Variants in DPP9 observed in about 807,000 individuals in gnomAD.
DPP9 encodes the protein dipeptidyl peptidase IV-related protein-2.
A neutral mutation model predicts 110.7 loss-of-function variants in DPP9; 50 were observed. The ratio of observed to expected loss-of-function variants is 0.45; its 90% CI spans 0.36 to 0.57. The LOEUF (loss-of-function observed/expected upper bound fraction) is 0.57. Among genes scored for constraint, DPP9 ranks in the 20% least tolerant of loss-of-function variants. The pLI, the probability that DPP9 is intolerant of heterozygous loss-of-function variation, is 0.00. For synonymous variants in DPP9, 561 were observed against 514.4 expected (o/e 1.09, Z -1.23); for missense variants, 1,022 against 1,217.9 (o/e 0.84, Z 2.39).
rs1006380696 is a variant in DPP9, at chr19:4,705,991, C to T, written c.314-21G>A. On this transcript the variant is annotated intron_variant, in intron 4 of 21. Transcript: ENST00000262960. Reference sequence around the variant, plus strand: ...CATTCCTAAAGGGAGAAAGGAAACACCCAGAACGGGTACCCTGGCTCAGGA... The same window carrying T: ...CATTCCTAAAGGGAGAAAGGAAACATCCAGAACGGGTACCCTGGCTCAGGA... 36 of 1,604,992 alleles carry T rather than the reference C, an allele frequency of 2.2e-5. 1 individual carries two copies. The Admixed American group carries it at 5.2e-4, about 23-fold the overall frequency.
At chr19:4,707,510 G>A (rs940886419) in intron 4 of DPP9, among the ~76,000 whole-genome samples, 1 of 151,846 alleles carries the variant, frequency 6.6e-6, no homozygotes. Context: ...CAGACAGCCC[G>A]GTGCCCTGGC....
chr19:4,685,638 A>G lies in DPP9; in HGVS notation c.2019T>C (p.Tyr673=), dbSNP rs746136109. ...GGTGTGCACTCACCTGGGGGCCTCC[A>G]TATACAAAGAGGACGGTGGGGTGCT... ...GKKHPTVLFV[Y]GGPQVQLVNN... The change falls in exon 17 of 22, where the codon TAT becomes TAC. Residue 673 remains tyrosine (Y), a synonymous_variant. Coordinates refer to ENST00000262960, the MANE Select transcript of DPP9 (RefSeq NM_139159.5). The surrounding 1 kb of genome is among the most constrained non-coding windows in gnomAD (Gnocchi z 5.8). The G allele has an allele frequency of 6.2e-7, 1 of 1,607,688 alleles. No homozygotes were observed. The highest frequency in any genetic ancestry group is 1.1e-5 in the South Asian group (1 of 89,978).
intron 2 of DPP9, chr19:4,722,292 C>G (rs1599967900): frequency 1.8e-6 from 1 of 564,278 alleles, no homozygotes; most frequent in East Asian, 3.0e-5. Flanking sequence ...CAAAAAGCTC[C>G]TTCCAGGGGC....
chr19:4,687,509 C>T lies in DPP9; in HGVS notation c.1885+1248G>A, dbSNP rs2090876132. ...CCAATGCAGGGTCCTGGCCAACTTC[C>T]AGGTTCTGGGCAAGGTGTCAGGTTG... On this transcript the variant is annotated intron_variant, in intron 16 of 21. Coordinates refer to ENST00000262960, the MANE Select transcript of DPP9 (RefSeq NM_139159.5). This position sits in a 1 kb window ranked among gnomAD's most constrained non-coding sequence, Gnocchi z 4.7. Among the ~76,000 whole-genome samples, 1 of 152,122 alleles carries T rather than the reference C, an allele frequency of 6.6e-6. No homozygotes were observed. Among genetic ancestry groups the T allele is most frequent in the Non-Finnish European group, 1.5e-5 (1 of 68,016 alleles).
At chr19:4,708,995 G>T (rs1270128960) in intron 4 of DPP9, among the ~76,000 whole-genome samples, 5 of 152,212 alleles carry the variant, frequency 3.3e-5, no homozygotes, top group Admixed American at 6.5e-5. Context: ...TTGGCTCGCT[G>T]CAACCTCCAC....
intron 10 of DPP9, among the ~76,000 whole-genome samples, chr19:4,699,924 C>T (rs566015846): frequency 1.2e-4 from 19 of 152,342 alleles, no homozygotes; most frequent in African/African-American, 4.1e-4. Context: ...GAGCACCTGC[C>T]GCGCCTGTCC....
rs746009196 is a variant in DPP9, at chr19:4,683,465, G to A, written c.2331+12C>T. On this transcript the variant is annotated intron_variant, in intron 19 of 21. Coordinates refer to ENST00000262960, the MANE Select transcript of DPP9 (RefSeq NM_139159.5). ...AGGGGCGTGGCTGAGGCCGGCCAGG[G>A]GTGGGACCCACCTTGAACACCTGGG... 6.2e-7 allele frequency: 1 copy of A among 1,612,730 alleles called. No homozygotes were observed. Among genetic ancestry groups the A allele is most frequent in the South Asian group, 1.1e-5 (1 of 91,080 alleles).
intron 10 of DPP9, among the ~76,000 whole-genome samples, chr19:4,699,558 G>A (rs531214458): frequency 1.1e-4 from 17 of 152,310 alleles, no homozygotes; most frequent in Admixed American, 5.9e-4. Flanking sequence ...GGGGCCGAGG[G>A]AGATGCGGTC....
At chr19:4,699,158 CAAAAAAAA>C (rs144927941) in intron 10 of DPP9, among the ~76,000 whole-genome samples, 3 of 50,906 alleles carry the variant, frequency 5.9e-5, no homozygotes, top group Non-Finnish European at 1.2e-4. Context: ...GACTCCACCT[CAAAAAAAA>C]AAAAAAAAAA....
intron 3 of DPP9, among the ~76,000 whole-genome samples, chr19:4,715,018 ACTTTTT>A (rs1190965538): frequency 7.7e-5 from 6 of 78,118 alleles, no homozygotes; most frequent in African/African-American, 2.1e-4. Flanking sequence ...ATATATATAT[ACTTTTT>A]TTTTTTTTTT....
Position 4,676,704 on chromosome 19 carries a change from C to T in DPP9, c.2587-48G>A. The T allele has an allele frequency of 6.7e-7, 1 of 1,485,950 alleles. No homozygotes were observed. The highest frequency in any genetic ancestry group is 9.2e-7 in the Non-Finnish European group (1 of 1,086,536). 92.0% of individuals were successfully genotyped at this position (1,485,950 alleles called of 1,614,324 possible). On this transcript the variant is annotated intron_variant, in intron 21 of 21. Coordinates refer to ENST00000262960, the MANE Select transcript of DPP9 (RefSeq NM_139159.5). This position sits in a 1 kb window ranked among gnomAD's most constrained non-coding sequence, Gnocchi z 4.0. Reference sequence around the variant, plus strand: ...GCTGGGGGGCGTGGCCGGACCACCCCCGTGTCCTAGGCTCCTCCCTTATTC... The same window carrying T: ...GCTGGGGGGCGTGGCCGGACCACCCTCGTGTCCTAGGCTCCTCCCTTATTC...
Position 4,695,521 on chromosome 19 carries a change from A to C in DPP9, c.1210T>G (p.Trp404Gly), listed in dbSNP as rs1295882009. 1 of 1,529,788 alleles carries C rather than the reference A, an allele frequency of 6.5e-7. No homozygotes were observed. The highest frequency in any genetic ancestry group is 8.8e-7 in the Non-Finnish European group (1 of 1,141,102). The allele number at this position is 1,529,788 out of a possible 1,614,324, so 94.8% of individuals were successfully genotyped here. The stretch of plus-strand genomic sequence containing the variant: ...GGGGGGAGGAGGACGAGCTGGAGCC[A>C]CTGCTGGGGCCGGTCCAGGAACATG... The part of the protein sequence containing the change: ...WAMFLDRPQQ[W>G]LQLVLLPPAL... Residue 404 changes from tryptophan to glycine, a missense_variant, in exon 12 of 22, where the codon TGG (tryptophan) becomes GGG (glycine). By Grantham distance (184) the Trp-to-Gly change is radical. This residue lies in a region of DPP9 where 810 missense variants were observed against 920.6 expected (regional missense o/e 0.88). Coordinates refer to ENST00000262960, the MANE Select transcript of DPP9 (RefSeq NM_139159.5). This position sits in a 1 kb window ranked among gnomAD's most constrained non-coding sequence, Gnocchi z 4.7.
Position 4,689,589 on chromosome 19 carries a change from T to C in DPP9, c.1730A>G (p.His577Arg). The C allele has an allele frequency of 6.4e-7, 1 of 1,568,356 alleles. No individual in the cohort carries two copies. Reference protein sequence around the residue: ...IVRLTTPGFSHSCSMSQNFDM... With the variant: ...IVRLTTPGFSRSCSMSQNFDM... Reference sequence around the variant, plus strand: ...TCCCACCTGGCTCATGGAGCAGCTATGGGAGAAGCCGGGCGTGGTGAGGCG... The same window carrying C: ...TCCCACCTGGCTCATGGAGCAGCTACGGGAGAAGCCGGGCGTGGTGAGGCG... Residue 577 changes from histidine to arginine, a missense_variant, in exon 15 of 22, where the codon CAT becomes CGT. Around this residue, in one of 3 missense-constraint regions of DPP9, gnomAD observed 810 missense variants for 920.6 expected, o/e 0.88. Coordinates refer to ENST00000262960, the MANE Select transcript of DPP9 (RefSeq NM_139159.5). The surrounding 1 kb of genome is among the most constrained non-coding windows in gnomAD (Gnocchi z 7.0).
intron 7 of DPP9, among the ~76,000 whole-genome samples, 198 bp from the exon 8 acceptor site, chr19:4,702,914 A>G (rs973847555): frequency 3.9e-5 from 5 of 127,034 alleles, no homozygotes; most frequent in Non-Finnish European, 8.1e-5. Context: ...TCCACCCCAC[A>G]CTGTGGACAC....
At chr19:4,678,488 C>T (rs1018114545) in intron 21 of DPP9, among the ~76,000 whole-genome samples, 1 of 152,332 alleles carries the variant, frequency 6.6e-6, no homozygotes, top group African/African-American at 2.4e-5. Flanking sequence ...GTTTCAAAGA[C>T]GGAGAAACGA....
Position 4,683,588 on chromosome 19 carries a change from G to A in DPP9, c.2220C>T (p.Phe740=), listed in dbSNP as rs775362476. The A allele has an allele frequency of 2.0e-5, 32 of 1,613,530 alleles. 1 individual carries two copies. Among genetic ancestry groups the A allele is most frequent in the Middle Eastern group, 1.7e-4 (1 of 6,060 alleles). ...CGATGAAGCCATACTTCTCGGCCAC[G>A]AACTGCAGGCCCTCCACCTGGTCCT... ...EIEDQVEGLQ[F]VAEKYGFIDL... Residue 740 remains phenylalanine, a synonymous_variant, in exon 19 of 22, where the codon TTC becomes TTT. Transcript: ENST00000262960.
In DPP9 at chr19:4,687,476, C is replaced by T. The variant is rs560731487; in HGVS notation, c.1885+1281G>A. 4.6e-5 allele frequency among the ~76,000 whole-genome samples: 7 copies of T among 152,312 alleles called. No individual in the cohort carries two copies. In the South Asian group the frequency reaches 1.2e-3, roughly 27 times the overall value. On this transcript the variant is annotated intron_variant, in intron 16 of 21. Transcript: ENST00000262960. This position sits in a 1 kb window ranked among gnomAD's most constrained non-coding sequence, Gnocchi z 4.7. Reference sequence around the variant, plus strand: ...GTGTGACGGAGCCAGCACTGGAACCCGGAGTCACCAATGCAGGGTCCTGGC... The same window carrying T: ...GTGTGACGGAGCCAGCACTGGAACCTGGAGTCACCAATGCAGGGTCCTGGC...
rs1394772362 is a variant in DPP9 at position 4,676,777 on chromosome 19, C to G, written c.2587-121G>C. On this transcript the variant is annotated intron_variant, in intron 21 of 21. Transcript: ENST00000262960. The surrounding 1 kb of genome is among the most constrained non-coding windows in gnomAD (Gnocchi z 4.0). ...CGCAGGTGCTCTGAGGCCCAGTGATCTGGGTTTGAATCCCACCTCGGCTGT... is the reference window on the plus strand; with the variant it reads ...CGCAGGTGCTCTGAGGCCCAGTGATGTGGGTTTGAATCCCACCTCGGCTGT... 2.5e-6 allele frequency: 2 copies of G among 785,116 alleles called. No individual in the cohort carries two copies. Among genetic ancestry groups the G allele is most frequent in the African/African-American group, 1.7e-5 (1 of 58,420 alleles). The allele number at this position is 785,116 out of a possible 1,614,324, so 48.6% of individuals were successfully genotyped here.
Position 4,682,553 on chromosome 19 carries a change from G to A in DPP9, c.2474+143C>T. 1 of 1,265,970 alleles carries A rather than the reference G, an allele frequency of 7.9e-7. No individual in the cohort carries two copies. Among genetic ancestry groups the A allele is most frequent in the Non-Finnish European group, 1.1e-6 (1 of 924,924 alleles). 78.4% of individuals were successfully genotyped at this position (1,265,970 alleles called of 1,614,324 possible). The stretch of plus-strand genomic sequence containing the variant: ...GCACATGCAGGCAGACGCCACCACA[G>A]GAGCACAGCGGGGAGGCTCCACATG... On this transcript the variant is annotated intron_variant, in intron 20 of 21. Coordinates refer to ENST00000262960, the MANE Select transcript of DPP9 (RefSeq NM_139159.5). This position sits in a 1 kb window ranked among gnomAD's most constrained non-coding sequence, Gnocchi z 7.1.
Sources: gnomAD v4.1 joint callset for allele counts (sites outside exome capture counted in the v4.1 genomes callset) on GRCh38, gnomAD v4.1.1 for gene constraint, gnomAD v4.1.1 regional missense constraint, Gnocchi (gnomAD v3.1) non-coding constraint, MANE v1.5 for transcripts, NCBI Gene and HGNC (gene_info 2026-07-23, HGNC 2026-07-21) for gene names.